Variants in ZCCHC7 observed in about 807,000 individuals in gnomAD.
The protein encoded by ZCCHC7 is zinc finger CCHC-type containing 7.
In ZCCHC7, 35 loss-of-function variants were observed where a neutral mutation model predicts 52.0. The observed-to-expected ratio is 0.67, with a 90% CI of 0.51 to 0.89. The LOEUF is 0.89. Ranked by LOEUF, ZCCHC7 falls within the 40% of genes least tolerant of loss-of-function variation. The probability of loss-of-function intolerance (pLI) is 0.00; values close to 1 mark genes in which losing one functional copy is unlikely to be tolerated. For synonymous variants in ZCCHC7, 217 were observed against 221.5 expected (o/e 0.98, Z 0.18); for missense variants, 574 against 649.1 (o/e 0.88, Z 1.26).
intron 2 of ZCCHC7, among the ~76,000 whole-genome samples, chr9:37,268,750 G>A (rs1827240809): frequency 6.6e-6 from 1 of 152,152 alleles, no homozygotes. Context: ...CTTTCCGAGG[G>A]GCTAATGCTG....
intron 6 of ZCCHC7, among the ~76,000 whole-genome samples, chr9:37,334,531 A>T (rs1246111695): frequency 6.6e-6 from 1 of 152,004 alleles, no homozygotes; most frequent in Admixed American, 6.6e-5. Flanking sequence ...GTGGTGATAA[A>T]CTTAAGTTTT....
At chr9:37,249,456 C>CTTTTTTTTTTT (rs60166399) in intron 2 of ZCCHC7, among the ~76,000 whole-genome samples, 97 of 111,230 alleles carry the variant, frequency 8.7e-4, no homozygotes, top group African/African-American at 1.2e-3. Context: ...CTTCTTCTTC[C>CTTTTTTTTTTT]TTTTTTTTTT....
intron 2 of ZCCHC7, among the ~76,000 whole-genome samples, chr9:37,298,484 G>A (rs1317201032): frequency 6.6e-6 from 1 of 152,092 alleles, no homozygotes; most frequent in African/African-American, 2.4e-5. Flanking sequence ...CCAACAACAG[G>A]GATGAATCTT....
intron 2 of ZCCHC7, among the ~76,000 whole-genome samples, chr9:37,135,139 ATTTC>A (rs1421505508): frequency 7.2e-5 from 11 of 152,164 alleles, no homozygotes; most frequent in African/African-American, 2.7e-4. Context: ...GATATTTAAT[ATTTC>A]TTATTTCTAG....
intron 2 of ZCCHC7, among the ~76,000 whole-genome samples, chr9:37,165,481 A>G (rs548528922): frequency 7.2e-5 from 11 of 152,128 alleles, no homozygotes; most frequent in African/African-American, 2.7e-4. Context: ...GGTTTGAGGA[A>G]ATTTTCTTTG....
chr9:37,133,289 CTG>C lies in ZCCHC7; in HGVS notation c.610+6349_610+6350del, dbSNP rs1218856577. Among the ~76,000 whole-genome samples the C allele has an allele frequency of 4.6e-5, 7 of 151,884 alleles. No homozygotes were observed. In the South Asian group the frequency reaches 6.2e-4, roughly 13 times the overall value. ...TACAATGTAAATACCATGTAAATAA[CTG>C]TTATATTGTATTTAAGGAGTCATAA... On this transcript the variant is annotated intron_variant, in intron 2 of 8. Coordinates refer to ENST00000336755, the MANE Select transcript of ZCCHC7 (RefSeq NM_032226.3).
intron 1 of ZCCHC7, among the ~76,000 whole-genome samples, chr9:37,125,533 C>T (rs913934306): frequency 2.6e-5 from 4 of 152,224 alleles, no homozygotes; most frequent in South Asian, 2.1e-4. Flanking sequence ...TATACATTTA[C>T]ACCCAAACAG....
intron 1 of ZCCHC7, among the ~76,000 whole-genome samples, chr9:37,121,925 G>A (rs1019682029): frequency 6.6e-6 from 1 of 152,172 alleles, no homozygotes; most frequent in Non-Finnish European, 1.5e-5. Context: ...TTTGAAAAAT[G>A]GACAGACATT....
intron 2 of ZCCHC7, among the ~76,000 whole-genome samples, chr9:37,223,013 G>GTGTA (rs990966398): frequency 1.3e-5 from 2 of 152,068 alleles, no homozygotes; most frequent in East Asian, 1.9e-4. Context: ...ATATATATGT[G>GTGTA]TGTATGTATG....
At chr9:37,236,908 T>C (rs755926027) in intron 2 of ZCCHC7, among the ~76,000 whole-genome samples, 3 of 152,174 alleles carry the variant, frequency 2.0e-5, no homozygotes, top group Non-Finnish European at 4.4e-5. Flanking sequence ...GCCTTTGAGG[T>C]TGTGTCATAG....
At chr9:37,280,540 A>G (rs1827903948) in intron 2 of ZCCHC7, among the ~76,000 whole-genome samples, 2 of 152,178 alleles carry the variant, frequency 1.3e-5, no homozygotes, top group Non-Finnish European at 1.5e-5. Context: ...TTTGATCATA[A>G]TAGAATTAGA....
chr9:37,226,831 C>T (rs1432672615), intron 2 of ZCCHC7, among the ~76,000 whole-genome samples: 1 of 151,992 alleles, frequency 6.6e-6, no homozygotes, highest in Non-Finnish European at 1.5e-5. Flanking sequence ...GAGATCGAGA[C>T]CATTCTGGCT....
Position 37,126,890 on chromosome 9 carries a change from AGAT to A in ZCCHC7, c.565_567del (p.Asp189del), listed in dbSNP as rs879129420. 1.9e-6 allele frequency: 3 copies of A among 1,614,030 alleles called. No individual in the cohort carries two copies. The highest frequency in any genetic ancestry group is 2.7e-5 in the African/African-American group (2 of 74,920). Reference sequence around the variant, plus strand: ...TACTGGGATGTGAAGTAGATGATAAAGATGATGATATCCTTCTCAACCTTGTGG... The same window carrying A: ...TACTGGGATGTGAAGTAGATGATAAAGATGATATCCTTCTCAACCTTGTGG... On this transcript the variant is annotated inframe_deletion, in exon 2 of 9. Transcript: ENST00000336755.
intron 8 of ZCCHC7, among the ~76,000 whole-genome samples, chr9:37,355,831 C>T (rs1166623637): frequency 6.6e-6 from 1 of 152,152 alleles, no homozygotes; most frequent in Admixed American, 6.5e-5. Context: ...CAAGGGTCAG[C>T]TGTGTGGAGA....
At chr9:37,227,260 CAATAAT>C (rs1163510970) in intron 2 of ZCCHC7, among the ~76,000 whole-genome samples, 22 of 152,078 alleles carry the variant, frequency 1.4e-4, no homozygotes, top group African/African-American at 4.3e-4. Flanking sequence ...TCTTACAACT[CAATAAT>C]AATGAGATGA....
chr9:37,354,164 TAC>T lies in ZCCHC7; in HGVS notation c.1084-545_1084-544del, dbSNP rs1456609323. ...GAACAATTTTAAACTAGGCATAACCTACCACCAACCTACCCCCCACCGTTAAG... is the reference window on the plus strand; with the variant it reads ...GAACAATTTTAAACTAGGCATAACCTCACCAACCTACCCCCCACCGTTAAG... On this transcript the variant is annotated intron_variant, in intron 7 of 8. Coordinates refer to ENST00000336755, the MANE Select transcript of ZCCHC7 (RefSeq NM_032226.3). The surrounding 1 kb of genome is among the most constrained non-coding windows in gnomAD (Gnocchi z 4.0). Among the ~76,000 whole-genome samples the T allele has an allele frequency of 6.6e-6, 1 of 152,132 alleles. No individual in the cohort carries two copies. Among genetic ancestry groups the T allele is most frequent in the East Asian group, 1.9e-4 (1 of 5,200 alleles).
chr9:37,226,349 A>G (rs1273483805), intron 2 of ZCCHC7, among the ~76,000 whole-genome samples: 5 of 152,142 alleles, frequency 3.3e-5, no homozygotes, highest in East Asian at 1.9e-4. Context: ...TAAGGTTGCA[A>G]TTTTTTCCAG....
At chr9:37,297,067 AG>A (rs1211258175) in intron 2 of ZCCHC7, among the ~76,000 whole-genome samples, 1 of 152,232 alleles carries the variant, frequency 6.6e-6, no homozygotes, top group Non-Finnish European at 1.5e-5. Context: ...TCTTACATAT[AG>A]GAGACTGTTT....
intron 6 of ZCCHC7, among the ~76,000 whole-genome samples, chr9:37,345,958 T>C (rs1025772753): frequency 6.6e-6 from 1 of 152,048 alleles, no homozygotes; most frequent in Admixed American, 6.6e-5. Context: ...TGAAGTAGTT[T>C]TTTTTGTTTT....
Sources: gnomAD v4.1 joint callset for allele counts (sites outside exome capture counted in the v4.1 genomes callset) on GRCh38, gnomAD v4.1.1 for gene constraint, Gnocchi (gnomAD v3.1) non-coding constraint, MANE v1.5 for transcripts, NCBI Gene and HGNC (gene_info 2026-07-23, HGNC 2026-07-21) for gene names.